COBL: variants seen among roughly 807,000 people sequenced by gnomAD.
COBL encodes the protein cordon-bleu WH2 repeat protein.
Under a neutral mutation model 98.8 loss-of-function variants are expected in COBL, and 51 were observed. That is an observed-to-expected ratio of 0.52 (90% CI 0.41 to 0.65). The LOEUF is 0.65. COBL is among the 30% of genes least tolerant of loss of function. COBL has a pLI of 0.00. For synonymous variants in COBL, 634 were observed against 651.7 expected, an observed-to-expected ratio of 0.97 and a Z score of 0.41; for missense variants, 1,617 against 1,617.5, an observed-to-expected ratio of 1.00 and a Z score of 0.01.
intron 4 of COBL, among the ~76,000 whole-genome samples, chr7:51,187,457 C>T (rs1176599472): frequency 2.0e-5 from 3 of 151,902 alleles, no homozygotes; most frequent in African/African-American, 7.3e-5. Flanking sequence ...AAAATCTGGA[C>T]TAATCATTTG....
chr7:51,237,522 A>T (rs1226456977), intron 1 of COBL, among the ~76,000 whole-genome samples: 6 of 141,212 alleles, frequency 4.2e-5, no homozygotes, highest in African/African-American at 1.6e-4. Flanking sequence ...TGAGTCCCTT[A>T]ACCCTTTTTT....
chr7:51,037,889 T>A (rs1788793205), intron 8 of COBL, among the ~76,000 whole-genome samples: 1 of 152,220 alleles, frequency 6.6e-6, no homozygotes, highest in African/African-American at 2.4e-5. Context: ...TTTACTCTTG[T>A]CACCCAGGCT....
chr7:51,156,380 T>C (rs1243530160), intron 5 of COBL: 1 of 985,242 alleles, frequency 1.0e-6, no homozygotes, highest in Admixed American at 6.2e-5. Context: ...ACTTCCGAAA[T>C]GTCCCTTTCT....
At position 51,187,331 on chromosome 7, in the gene COBL, T is replaced by TATATATATAC. The variant is rs1554421096; in HGVS notation, c.686-3133_686-3132insGTATATATAT. 2.4e-3 allele frequency among the ~76,000 whole-genome samples: 240 copies of TATATATATAC among 101,426 alleles called. 1 individual carries two copies. Among genetic ancestry groups the TATATATATAC allele is most frequent in the Non-Finnish European group, 4.3e-3 (196 of 45,238 alleles). 66.5% of individuals were successfully genotyped at this position (101,426 alleles called of 152,430 possible). A position where few individuals can be genotyped will look rare whatever the true frequency, so the allele number is the denominator to read the frequency against. On this transcript the variant is annotated intron_variant, in intron 4 of 12. Coordinates refer to ENST00000265136, the MANE Select transcript of COBL (RefSeq NM_015198.5). Reference sequence around the variant, plus strand: ...TTAAGTATATATATATATATATATATACACACACACACACACACACACACA... The same window carrying TATATATATAC: ...TTAAGTATATATATATATATATATATATATATATACACACACACACACACACACACACACA...
At chr7:51,216,237 C>T (rs962821954) in intron 2 of COBL, among the ~76,000 whole-genome samples, 1 of 152,162 alleles carries the variant, frequency 6.6e-6, no homozygotes, top group Admixed American at 6.5e-5. Flanking sequence ...CCGGAGTGCA[C>T]AGGCACAATC....
At chr7:51,193,701 T>C (rs979325120) in intron 2 of COBL, 112 bp from the exon 3 acceptor site, 7 of 897,672 alleles carry the variant, frequency 7.8e-6, no homozygotes, top group Admixed American at 2.5e-5. Context: ...AAATTAGATA[T>C]GCTTATGAAA....
At chr7:51,128,172 C>T (rs999544811) in intron 6 of COBL, among the ~76,000 whole-genome samples, 5 of 152,184 alleles carry the variant, frequency 3.3e-5, no homozygotes, top group African/African-American at 1.2e-4. Context: ...TGCTCTAAAC[C>T]CAGATTTACT....
In COBL at chr7:51,147,990, C is replaced by T. The variant is rs147101996; in HGVS notation, c.784-11659G>A. ...TGTTAGCCAGGATGGTCACGATCTC[C>T]GGATCTCGTGATCCGCCCACCTTGG... On this transcript the variant is annotated intron_variant, in intron 5 of 12. Transcript: ENST00000265136. Among the ~76,000 whole-genome samples the T allele has an allele frequency of 6.1e-3, 928 of 151,968 alleles. 6 individuals carry two copies. Among genetic ancestry groups the T allele is most frequent in the African/African-American group, 0.021 (891 of 41,442 alleles).
chr7:51,182,811 C>T (rs1584085630), intron 5 of COBL, among the ~76,000 whole-genome samples: 1 of 152,176 alleles, frequency 6.6e-6, no homozygotes, highest in South Asian at 2.1e-4. Flanking sequence ...AAAGCTCAAT[C>T]TCTTAAGTAC....
intron 7 of COBL, among the ~76,000 whole-genome samples, chr7:51,082,770 T>C (rs1793797559): frequency 6.6e-6 from 1 of 152,194 alleles, no homozygotes; most frequent in African/African-American, 2.4e-5. Flanking sequence ...ACTCTGAGGT[T>C]CATTCTAATA....
chr7:51,050,212 G>A (rs1790103380), intron 7 of COBL, among the ~76,000 whole-genome samples: 2 of 152,104 alleles, frequency 1.3e-5, no homozygotes, highest in Admixed American at 1.3e-4. Flanking sequence ...AATTAGACCT[G>A]GATTCTCTTA....
rs755421309 is a variant in COBL, at chr7:51,043,589, C to G, written c.1200G>C (p.Ser400=). The G allele has an allele frequency of 6.2e-7, 1 of 1,614,194 alleles. No individual in the cohort carries two copies. The highest frequency in any genetic ancestry group is 8.5e-7 in the Non-Finnish European group (1 of 1,180,032). ...ETVSVGSCFA[S]EDTTEDSGVM... is the part of the protein sequence containing the mutation. ...CTCCTGAGTCCTCGGTCGTGTCCTC[C>G]GACGCAAAACAGCTGCCAACTGACA... The change falls in exon 8 of 13, where the codon TCG becomes TCC. Residue 400 remains serine (S), a synonymous_variant. Transcript: ENST00000265136.
intron 7 of COBL, among the ~76,000 whole-genome samples, chr7:51,044,959 A>T (rs1282305833): frequency 6.6e-6 from 1 of 152,252 alleles, no homozygotes; most frequent in Non-Finnish European, 1.5e-5. Context: ...AAGGTAAAGA[A>T]TAGAACGAAA....
chr7:51,117,498 G>T (rs1422627734), intron 6 of COBL, among the ~76,000 whole-genome samples: 1 of 151,920 alleles, frequency 6.6e-6, no homozygotes, highest in African/African-American at 2.4e-5. Context: ...GCCCATCAGT[G>T]AAATTTTTAT....
rs1787859115 is a variant in COBL at position 51,028,727 on chromosome 7, C to T, written c.2369G>A (p.Gly790Glu). The change falls in exon 10 of 13, where the codon GGA becomes GAA. Residue 790 changes from glycine to glutamate, a missense_variant. This residue lies in a region of COBL where 1,304 missense variants were observed against 1,282.0 expected (regional missense o/e 1.02). Coordinates refer to ENST00000265136, the MANE Select transcript of COBL (RefSeq NM_015198.5). ...LGRPSESSAR[G>E]PPSTPVPTQT... Reference sequence around the variant, plus strand: ...CGTGGGCACAGGGGTGGAGGGGGGTCCCCTGGCAGAGCTCTCTGAGGGTCG... The same window carrying T: ...CGTGGGCACAGGGGTGGAGGGGGGTTCCCTGGCAGAGCTCTCTGAGGGTCG... The T allele has an allele frequency of 1.9e-6, 3 of 1,614,028 alleles. No homozygotes were observed. The highest frequency in any genetic ancestry group is 2.5e-6 in the Non-Finnish European group (3 of 1,179,954).
At chr7:51,158,623 G>C (rs1253773825) in intron 5 of COBL, among the ~76,000 whole-genome samples, 1 of 152,174 alleles carries the variant, frequency 6.6e-6, no homozygotes, top group African/African-American at 2.4e-5. Flanking sequence ...CAGACCCTGG[G>C]GCAGGTGCCA....
At chr7:51,215,257 T>C (rs1792921945) in intron 2 of COBL, among the ~76,000 whole-genome samples, 5 of 152,242 alleles carry the variant, frequency 3.3e-5, no homozygotes, top group Non-Finnish European at 1.5e-5. Flanking sequence ...TCATAGTTTA[T>C]AGCCAGCTCC....
chr7:51,150,526 T>C (rs1785461506), intron 5 of COBL, among the ~76,000 whole-genome samples: 1 of 152,186 alleles, frequency 6.6e-6, no homozygotes, highest in Admixed American at 6.5e-5. Flanking sequence ...TTCTCACATT[T>C]TGATTGTCCT....
At chr7:51,291,279 A>T (rs1317640121) in intron 1 of COBL, among the ~76,000 whole-genome samples, 1 of 152,166 alleles carries the variant, frequency 6.6e-6, no homozygotes, top group Non-Finnish European at 1.5e-5. Flanking sequence ...GAGTCACCAG[A>T]AAGGAGATTG....
Sources: allele counts gnomAD v4.1 joint callset (sites outside exome capture counted in the v4.1 genomes callset), GRCh38; gene constraint gnomAD v4.1.1; regional missense constraint gnomAD v4.1.1; transcripts MANE v1.5; gene names NCBI Gene and HGNC (gene_info 2026-07-23, HGNC 2026-07-21).